SERPINB8: variants seen among roughly 807,000 people sequenced by gnomAD.
SERPINB8 encodes the protein serpin B8.
SERPINB8 carries 25 observed loss-of-function variants against 35.3 expected under a neutral mutation model. The observed-to-expected ratio is 0.71, with a 90% CI of 0.52 to 0.99. SERPINB8 has a LOEUF of 0.99. SERPINB8 is among the 50% of genes least tolerant of loss of function. The pLI, the probability that SERPINB8 is intolerant of heterozygous loss-of-function variation, is 0.00. For missense variants in SERPINB8, 484 were observed against 446.5 expected, an observed-to-expected ratio of 1.08 and a Z score of -0.76; for synonymous variants, 186 against 160.8, an observed-to-expected ratio of 1.16 and a Z score of -1.19.
At chr18:63,975,792 G>C (rs187207690) in intron 1 of SERPINB8, among the ~76,000 whole-genome samples, 1 of 152,246 alleles carries the variant, frequency 6.6e-6, no homozygotes, top group African/African-American at 2.4e-5. Flanking sequence ...TATCTTAGGA[G>C]GAAGCAAAAC....
intron 1 of SERPINB8, chr18:64,004,713 C>T: frequency 2.5e-6 from 1 of 396,742 alleles, no homozygotes; most frequent in Admixed American, 4.4e-5. Context: ...AGCAATGGTG[C>T]CACACTGAAC....
Position 63,987,599 on chromosome 18 carries a change from TTCC to T in SERPINB8, c.*322_*324del. ...CTCAGGGCTTCAGGAGCCAGCCCTC[TTCC>T]ATCCGCCCGGCTCTGCCCACCACCA... On this transcript the variant is annotated 3_prime_UTR_variant, in exon 7 of 7. Coordinates refer to ENST00000397985, the MANE Select transcript of SERPINB8 (RefSeq NM_002640.4). The T allele has an allele frequency of 1.5e-5, 4 of 270,384 alleles. No individual in the cohort carries two copies. The highest frequency in any genetic ancestry group is 7.1e-5 in the South Asian group (1 of 14,162). The allele number at this position is 270,384 out of a possible 1,614,324, so 16.7% of individuals were successfully genotyped here.
At chr18:63,996,596 G>A (rs758866870) in intron 1 of SERPINB8, among the ~76,000 whole-genome samples, 1 of 152,208 alleles carries the variant, frequency 6.6e-6, no homozygotes, top group Non-Finnish European at 1.5e-5. Flanking sequence ...AGAGTTGCTT[G>A]CCTGGAGGAA....
At chr18:64,000,946 CTAGCAGAG>C (rs2050871450) in intron 1 of SERPINB8, among the ~76,000 whole-genome samples, 1 of 152,198 alleles carries the variant, frequency 6.6e-6, no homozygotes, top group African/African-American at 2.4e-5. Flanking sequence ...ATCTCTCTTA[CTAGCAGAG>C]GAATAAAAAT....
chr18:64,008,841 T>C (rs1213166520), downstream of SERPINB8, among the ~76,000 whole-genome samples: 6 of 152,168 alleles, frequency 3.9e-5, no homozygotes, highest in Non-Finnish European at 8.8e-5. Context: ...AGTCTTGCAC[T>C]TGCTAGAGCT....
intron 1 of SERPINB8, among the ~76,000 whole-genome samples, chr18:63,997,381 G>T (rs1388051586): frequency 6.6e-6 from 1 of 152,170 alleles, no homozygotes; most frequent in Non-Finnish European, 1.5e-5. Flanking sequence ...CAGCCCAGCT[G>T]GGGCCTTCAA....
intron 7 of SERPINB8, among the ~76,000 whole-genome samples, chr18:64,013,326 T>C (rs1568083393): frequency 6.6e-6 from 1 of 152,064 alleles, no homozygotes; most frequent in Non-Finnish European, 1.5e-5. Flanking sequence ...CATTATTACT[T>C]TCGGAAATCA....
Position 63,987,629 on chromosome 18 carries a change from T to G in SERPINB8, c.*351T>G. The G allele has an allele frequency of 4.6e-6, 1 of 215,872 alleles. No homozygotes were observed. The highest frequency in any genetic ancestry group is 2.3e-5 in the African/African-American group (1 of 43,512). The allele number at this position is 215,872 out of a possible 1,614,324, so 13.4% of individuals were successfully genotyped here. On this transcript the variant is annotated 3_prime_UTR_variant, in exon 7 of 7. Transcript: ENST00000397985. Reference sequence around the variant, plus strand: ...TCCGCCCGGCTCTGCCCACCACCACTGCCAGGCTGAACAGGGGACTAGTGC... The same window carrying G: ...TCCGCCCGGCTCTGCCCACCACCACGGCCAGGCTGAACAGGGGACTAGTGC...
chr18:64,000,638 T>C (rs938802681), intron 1 of SERPINB8, among the ~76,000 whole-genome samples: 3 of 152,160 alleles, frequency 2.0e-5, no homozygotes, highest in African/African-American at 7.2e-5. Context: ...GGCCTCCTTA[T>C]GGGGCAGGGG....
chr18:63,986,769 A>G, intron 6 of SERPINB8, 105 bp from the exon 7 acceptor site: 1 of 1,394,554 alleles, frequency 7.2e-7, no homozygotes, highest in East Asian at 2.3e-5. Context: ...TTGGACCAGA[A>G]CTCACCATCT....
intron 7 of SERPINB8, among the ~76,000 whole-genome samples, chr18:64,016,647 G>A (rs1259101270): frequency 1.3e-5 from 2 of 152,138 alleles, no homozygotes; most frequent in Non-Finnish European, 2.9e-5. Context: ...AACTCAGAGA[G>A]TTTATATGGC....
chr18:63,989,413 A>G (rs2050808218), downstream of SERPINB8: 2 of 152,198 alleles, frequency 1.3e-5, no homozygotes, highest in Non-Finnish European at 2.9e-5. Flanking sequence ...TCTTTTGTAT[A>G]TAGATACATA....
intron 1 of SERPINB8, among the ~76,000 whole-genome samples, chr18:64,004,639 A>G (rs2050891394): frequency 6.6e-6 from 1 of 152,190 alleles, no homozygotes; most frequent in Non-Finnish European, 1.5e-5. Context: ...ATATTTGGAA[A>G]TTTGAAAGCT....
downstream of SERPINB8, among the ~76,000 whole-genome samples, chr18:63,990,512 G>A (rs1358784668): frequency 6.8e-6 from 1 of 146,950 alleles, no homozygotes; most frequent in African/African-American, 2.5e-5. Flanking sequence ...TCTTTATTTT[G>A]CACACTTTAT....
At chr18:64,011,057 G>A (rs1302211308) in intron 7 of SERPINB8, among the ~76,000 whole-genome samples, 1 of 151,896 alleles carries the variant, frequency 6.6e-6, no homozygotes, top group African/African-American at 2.4e-5. Flanking sequence ...ATAAAATGAT[G>A]TGACAAGAAC....
At chr18:64,011,695 A>G (rs373784323) in intron 7 of SERPINB8, among the ~76,000 whole-genome samples, 10 of 152,292 alleles carry the variant, frequency 6.6e-5, no homozygotes, top group South Asian at 4.1e-4. Flanking sequence ...TTTATTGTGA[A>G]TGCTGAAAAT....
At chr18:64,000,098 C>G (rs1394301410) in intron 1 of SERPINB8, among the ~76,000 whole-genome samples, 2 of 152,204 alleles carry the variant, frequency 1.3e-5, no homozygotes, top group African/African-American at 2.4e-5. Flanking sequence ...ACTGTCAACA[C>G]CTCGTGGTGC....
At chr18:64,002,400 G>T (rs902478304) in intron 1 of SERPINB8, among the ~76,000 whole-genome samples, 2 of 152,092 alleles carry the variant, frequency 1.3e-5, no homozygotes, top group Admixed American at 6.5e-5. Flanking sequence ...ATAGGAGTCC[G>T]CCACCCTCCC....
At chr18:63,990,911 G>A (rs578155993), downstream of SERPINB8, among the ~76,000 whole-genome samples, 2 of 152,152 alleles carry the variant, frequency 1.3e-5, no homozygotes, top group South Asian at 4.1e-4. Context: ...AAGTGTTACC[G>A]GATTTAATTT....
Sources: allele counts gnomAD v4.1 joint callset (sites outside exome capture counted in the v4.1 genomes callset), GRCh38; gene constraint gnomAD v4.1.1; transcripts MANE v1.5; gene names NCBI Gene and HGNC (gene_info 2026-07-23, HGNC 2026-07-21).